Variants in ESRRG observed in about 807,000 individuals in gnomAD.
The protein encoded by ESRRG is estrogen related receptor gamma.
In ESRRG, 13 loss-of-function variants were observed where a neutral mutation model predicts 44.0. The ratio of observed to expected loss-of-function variants is 0.30; its 90% confidence interval spans 0.19 to 0.47. The LOEUF (loss-of-function observed/expected upper bound fraction) is 0.47, where lower values mean the gene tolerates loss of function less well. Ranked by LOEUF, ESRRG falls within the 20% of genes least tolerant of loss-of-function variation. The pLI is 1.00. For synonymous variants in ESRRG, 215 were observed against 214.6 expected, an observed-to-expected ratio of 1.00 and a Z score of -0.02; for missense variants, 395 against 580.6, an observed-to-expected ratio of 0.68 and a Z score of 3.29.
chr1:217,068,607 CT>C (rs1271735622), intron 1 of ESRRG, among the ~76,000 whole-genome samples: 1 of 152,056 alleles, frequency 6.6e-6, no homozygotes, highest in Non-Finnish European at 1.5e-5. Context: ...TAAGTTGTGA[CT>C]TCATAAACTT....
In ESRRG at chr1:216,861,456, A is replaced by G. The variant is rs535653518; in HGVS notation, c.-14+78126T>C. Among the ~76,000 whole-genome samples the G allele has an allele frequency of 2.6e-5, 4 of 152,200 alleles. 1 individual carries two copies. Among genetic ancestry groups the G allele is most frequent in the African/African-American group, 9.6e-5 (4 of 41,600 alleles). ...ATATTGATCATTACACATTGTATACATGTATCAAAATATCACACTGCATCT... is the reference window on the plus strand; with the variant it reads ...ATATTGATCATTACACATTGTATACGTGTATCAAAATATCACACTGCATCT... On this transcript the variant is annotated intron_variant, in intron 2 of 7. Coordinates refer to the ESRRG transcript ENST00000359162.
chr1:216,985,498 G>T (rs907210010), intron 1 of ESRRG, among the ~76,000 whole-genome samples: 3 of 152,126 alleles, frequency 2.0e-5, no homozygotes, highest in African/African-American at 7.2e-5. Flanking sequence ...CCCTGTGCTG[G>T]ACTAATCTTC....
chr1:216,847,736 T>C (rs963706891), intron 2 of ESRRG, among the ~76,000 whole-genome samples: 2 of 152,134 alleles, frequency 1.3e-5, no homozygotes, highest in Non-Finnish European at 2.9e-5. Context: ...CTGCTCTTCA[T>C]TCATGGCCTA....
At chr1:216,856,884 C>T (rs866807811) in intron 2 of ESRRG, among the ~76,000 whole-genome samples, 3 of 152,294 alleles carry the variant, frequency 2.0e-5, no homozygotes, top group Middle Eastern at 3.4e-3. Flanking sequence ...CTCATCCATA[C>T]TTACTGCAAT....
At chr1:216,863,383 T>G (rs2149118880) in intron 2 of ESRRG, 1 of 152,340 alleles carries the variant, frequency 6.6e-6, no homozygotes, top group Admixed American at 6.5e-5. Flanking sequence ...GAATAAAATT[T>G]TATTTTATTC....
At chr1:217,128,775 G>A (rs2092922597) in intron 1 of ESRRG, among the ~76,000 whole-genome samples, 1 of 152,094 alleles carries the variant, frequency 6.6e-6, no homozygotes, top group Admixed American at 6.6e-5. Flanking sequence ...AGTTGATTGG[G>A]CATTAAAGAA....
intron 5 of ESRRG, among the ~76,000 whole-genome samples, chr1:216,526,363 G>A (rs935335987): frequency 6.6e-6 from 1 of 152,082 alleles, no homozygotes; most frequent in African/African-American, 2.4e-5. Flanking sequence ...TCATAAAAAG[G>A]GGATATTTGG....
intron 2 of ESRRG, among the ~76,000 whole-genome samples, chr1:216,877,522 G>A (rs534207980): frequency 5.9e-5 from 9 of 151,904 alleles, no homozygotes; most frequent in East Asian, 1.9e-4. Context: ...TCCTGCCTCC[G>A]TCTCCCGAGT....
intron 2 of ESRRG, among the ~76,000 whole-genome samples, chr1:216,910,672 A>G (rs1457355066): frequency 6.6e-6 from 1 of 152,196 alleles, no homozygotes; most frequent in Non-Finnish European, 1.5e-5. Flanking sequence ...AATGGGGCCG[A>G]CAATGCTTTC....
intron 2 of ESRRG, among the ~76,000 whole-genome samples, chr1:216,872,593 G>A (rs932891371): frequency 1.1e-4 from 16 of 152,036 alleles, no homozygotes; most frequent in African/African-American, 3.9e-4. Context: ...CTATTGAGCA[G>A]ACCCAATAAG....
At chr1:217,119,107 A>T (rs2092783676) in intron 1 of ESRRG, among the ~76,000 whole-genome samples, 1 of 152,222 alleles carries the variant, frequency 6.6e-6, no homozygotes, top group Non-Finnish European at 1.5e-5. Context: ...AGAATGATGT[A>T]TCCAATTTCA....
chr1:216,956,922 T>C (rs2068060181), intron 1 of ESRRG, among the ~76,000 whole-genome samples: 1 of 152,036 alleles, frequency 6.6e-6, no homozygotes, highest in Non-Finnish European at 1.5e-5. Flanking sequence ...AGAACAAAAA[T>C]GAGATGAAAT....
At chr1:216,935,683 C>A (rs1315522529) in intron 2 of ESRRG, among the ~76,000 whole-genome samples, 1 of 151,602 alleles carries the variant, frequency 6.6e-6, no homozygotes, top group Admixed American at 6.6e-5. Flanking sequence ...GTGGAGTGAT[C>A]TTGGGTCACT....
chr1:216,655,783 C>T (rs1574853066), intron 2 of ESRRG, among the ~76,000 whole-genome samples: 2 of 152,278 alleles, frequency 1.3e-5, no homozygotes, highest in East Asian at 3.9e-4. Context: ...AGGAAAACCT[C>T]TCTAATTTCC....
intron 1 of ESRRG, among the ~76,000 whole-genome samples, chr1:216,978,401 T>A (rs1287645000): frequency 2.0e-5 from 3 of 152,172 alleles, no homozygotes. Flanking sequence ...TGCCAGTTCC[T>A]GGCCTAAGGT....
chr1:217,077,005 A>T (rs1558215778), intron 1 of ESRRG: 1 of 152,256 alleles, frequency 6.6e-6, no homozygotes, highest in East Asian at 1.9e-4. Flanking sequence ...GAAAATAAAG[A>T]CTTTCCCTTT....
At chr1:216,532,355 T>C (rs2049632518) in intron 5 of ESRRG, among the ~76,000 whole-genome samples, 1 of 152,186 alleles carries the variant, frequency 6.6e-6, no homozygotes. Context: ...AAGCCGCTGC[T>C]TGGTATCCCA....
intron 2 of ESRRG, among the ~76,000 whole-genome samples, chr1:216,875,045 G>T (rs932313144): frequency 6.6e-6 from 1 of 152,154 alleles, no homozygotes. Context: ...ATCCACCACC[G>T]GTTTCCTTAA....
chr1:216,848,808 T>A (rs1281047442), intron 2 of ESRRG, among the ~76,000 whole-genome samples: 3 of 152,144 alleles, frequency 2.0e-5, no homozygotes, highest in Non-Finnish European at 4.4e-5. Flanking sequence ...GTACATGCAC[T>A]TTTTTCACTC....
Sources: allele counts gnomAD v4.1 joint callset (sites outside exome capture counted in the v4.1 genomes callset), GRCh38; gene constraint gnomAD v4.1.1; transcripts MANE v1.5; gene names NCBI Gene and HGNC (gene_info 2026-07-23, HGNC 2026-07-21).